Variants in ENPP1 observed in about 807,000 individuals in gnomAD.
ENPP1 encodes the protein ectonucleotide pyrophosphatase/phosphodiesterase family member 1.
A neutral mutation model predicts 122.8 loss-of-function variants in ENPP1; 73 were observed. The observed-to-expected ratio is 0.59, with a 90% CI of 0.49 to 0.72. The LOEUF is 0.72. Ranked by LOEUF, ENPP1 falls within the 30% of genes least tolerant of loss-of-function variation. The pLI is 0.00. For synonymous variants in ENPP1, 367 were observed against 391.6 expected (o/e 0.94, Z 0.74); for missense variants, 978 against 1,128.1 (o/e 0.87, Z 1.91).
At chr6:131,883,259 CAGAGAAGCCTTGTAT>C (rs1295629938) in intron 21 of ENPP1, among the ~76,000 whole-genome samples, 1 of 152,200 alleles carries the variant, frequency 6.6e-6, no homozygotes, top group Non-Finnish European at 1.5e-5. Flanking sequence ...CAAATTCATA[CAGAGAAGCCTTGTAT>C]GGTGTTTCGA....
In ENPP1 at chr6:131,861,721, T is replaced by C; in HGVS notation, c.1025+17T>C. 7.4e-7 allele frequency: 1 copy of C among 1,353,564 alleles called. No individual in the cohort carries two copies. Among genetic ancestry groups the C allele is most frequent in the Non-Finnish European group, 1.1e-6 (1 of 942,262 alleles). The allele number at this position is 1,353,564 out of a possible 1,614,324, so 83.8% of individuals were successfully genotyped here. On this transcript the variant is annotated intron_variant, in intron 9 of 24. Transcript: ENST00000647893. ...GTATAATGGGTATGTGAAATGAATT[T>C]TTTCTAGGATCTGTAATATAGAACA... is the stretch of plus-strand genomic sequence containing the variant.
intron 6 of ENPP1, among the ~76,000 whole-genome samples, chr6:131,856,215 T>C (rs942840911): frequency 6.6e-6 from 1 of 152,218 alleles, no homozygotes; most frequent in Non-Finnish European, 1.5e-5. Flanking sequence ...CCTTTGAAGT[T>C]TAAATACAGC....
chr6:131,868,247 G>C (rs1782114864), intron 12 of ENPP1, 121 bp downstream of exon 12: 1 of 722,198 alleles, frequency 1.4e-6, no homozygotes, highest in Non-Finnish European at 2.4e-6. Flanking sequence ...AGTTTCTTAT[G>C]GACAGTCTTT....
At position 131,877,006 on chromosome 6, in the gene ENPP1, A is replaced by T; in HGVS notation, c.1738A>T (p.Thr580Ser). The change falls in exon 18 of 25, where the codon ACA (threonine) becomes TCA (serine). Residue 580 changes from threonine to serine, a missense_variant. Around this residue, in one of 3 missense-constraint regions of ENPP1, gnomAD observed 644 missense variants for 781.5 expected, o/e 0.82. Transcript: ENST00000647893. ...YNLMCDLLNLTPAPNNGTHGS... is the reference protein window; with the variant it reads ...YNLMCDLLNLSPAPNNGTHGS... ...AAATTATGCAGATTTACTGAATTTG[A>T]CACCGGCTCCTAATAACGGAACTCA... 6 of 1,614,112 alleles carry T rather than the reference A, an allele frequency of 3.7e-6. No individual in the cohort carries two copies. The highest frequency in any genetic ancestry group is 5.1e-6 in the Non-Finnish European group (6 of 1,179,972).
chr6:131,890,843 T>C lies in ENPP1; in HGVS notation c.*332T>C, dbSNP rs1782460031. 11 of 327,496 alleles carry C rather than the reference T, an allele frequency of 3.4e-5. No homozygotes were observed. Among genetic ancestry groups the C allele is most frequent in the South Asian group, 3.3e-4 (10 of 30,276 alleles). 20.3% of individuals were successfully genotyped at this position (327,496 alleles called of 1,614,324 possible). A position where few individuals can be genotyped will look rare whatever the true frequency, so the allele number is the denominator to read the frequency against. The stretch of plus-strand genomic sequence containing the variant: ...TCTGGATACCAGATATTTGAATCTT[T>C]CTTACTATTGGTAATAAACCTTGAT... On this transcript the variant is annotated 3_prime_UTR_variant, in exon 25 of 25. Coordinates refer to ENST00000647893, the MANE Select transcript of ENPP1 (RefSeq NM_006208.3).
chr6:131,872,728 C>G (rs1782177500), intron 14 of ENPP1, among the ~76,000 whole-genome samples, 195 bp from the exon 15 acceptor site: 1 of 151,644 alleles, frequency 6.6e-6, no homozygotes, highest in Non-Finnish European at 1.5e-5. Flanking sequence ...TTTCATCTGA[C>G]TTATTGGGCC....
At chr6:131,866,017 G>GA (rs1782086148) in intron 11 of ENPP1, among the ~76,000 whole-genome samples, 1 of 147,464 alleles carries the variant, frequency 6.8e-6, no homozygotes, top group Admixed American at 6.7e-5. Flanking sequence ...AAGAGAAAAA[G>GA]AAAATGATTT....
chr6:131,867,942 T>C (rs1782111623), intron 11 of ENPP1, 76 bp from the exon 12 acceptor site: 1 of 930,278 alleles, frequency 1.1e-6, no homozygotes, highest in African/African-American at 1.7e-5. Context: ...TTTTTTTTTT[T>C]AACAGAGATA....
intron 5 of ENPP1, among the ~76,000 whole-genome samples, chr6:131,854,380 G>T (rs1207855515): frequency 6.6e-6 from 1 of 151,750 alleles, no homozygotes; most frequent in Non-Finnish European, 1.5e-5. Context: ...GCCACTGCAC[G>T]GCAGCCTGAG....
At position 131,808,218 on chromosome 6, in the gene ENPP1, G is replaced by C; in HGVS notation, c.183G>C (p.Glu61Asp). 6.6e-7 allele frequency: 1 copy of C among 1,514,612 alleles called. No individual in the cohort carries two copies. 93.8% of individuals were successfully genotyped at this position (1,514,612 alleles called of 1,614,324 possible). A position where few individuals can be genotyped will look rare whatever the true frequency, so the allele number is the denominator to read the frequency against. The change falls in exon 1 of 25, where the codon GAG (glutamate) becomes GAC (aspartate). Residue 61 changes from glutamate (E) to aspartate (D), a missense_variant. By Grantham distance (45) the Glu-to-Asp change is conservative. Around this residue, in one of 3 missense-constraint regions of ENPP1, gnomAD observed 330 missense variants for 328.5 expected, o/e 1.00. Coordinates refer to ENST00000647893, the MANE Select transcript of ENPP1 (RefSeq NM_006208.3). Reference sequence around the variant, plus strand: ...TGGACGTGGGGGAGGAGCCGCTGGAGAAGGCGGCGCGCGCCCGCACTGCCA... The same window carrying C: ...TGGACGTGGGGGAGGAGCCGCTGGACAAGGCGGCGCGCGCCCGCACTGCCA... ...APMDVGEEPL[E>D]KAARARTAKD...
At chr6:131,823,761 G>A (rs565909507) in intron 1 of ENPP1, among the ~76,000 whole-genome samples, 1 of 152,068 alleles carries the variant, frequency 6.6e-6, no homozygotes, top group South Asian at 2.1e-4. Flanking sequence ...AGTGAGTAAG[G>A]CCAGACCCTG....
intron 1 of ENPP1, chr6:131,826,077 G>A: frequency 1.3e-6 from 1 of 779,916 alleles, no homozygotes; most frequent in South Asian, 1.3e-5. Flanking sequence ...TCTGCTTTAG[G>A]GACTGATATC....
At chr6:131,855,173 A>C in intron 6 of ENPP1, 150 bp downstream of exon 6, 1 of 691,738 alleles carries the variant, frequency 1.4e-6, no homozygotes, top group African/African-American at 1.8e-5. Flanking sequence ...TAAGGCGCTT[A>C]TCTTTAATAG....
chr6:131,826,850 G>A (rs2114665949), intron 1 of ENPP1: 1 of 374,804 alleles, frequency 2.7e-6, no homozygotes, highest in Non-Finnish European at 5.0e-6. Context: ...CCTGTGTGGG[G>A]CAGAAAAGTT....
chr6:131,830,615 A>G (rs911331633), intron 1 of ENPP1, among the ~76,000 whole-genome samples: 1 of 152,218 alleles, frequency 6.6e-6, no homozygotes, highest in African/African-American at 2.4e-5. Context: ...AATTCTGTTT[A>G]TGATTTACAT....
chr6:131,877,985 A>G (rs1180815350), intron 18 of ENPP1: 2 of 153,658 alleles, frequency 1.3e-5, no homozygotes, highest in Admixed American at 1.2e-4. Context: ...GGGTATATAG[A>G]TGAGAATTAT....
At chr6:131,852,411 T>C (rs1197995547) in intron 5 of ENPP1, among the ~76,000 whole-genome samples, 176 bp downstream of exon 5, 1 of 152,174 alleles carries the variant, frequency 6.6e-6, no homozygotes, top group Non-Finnish European at 1.5e-5. Context: ...TTGGACTTTT[T>C]TGGATTTTGC....
intron 1 of ENPP1, among the ~76,000 whole-genome samples, chr6:131,819,633 T>C (rs1257544296): frequency 6.6e-6 from 1 of 152,242 alleles, no homozygotes; most frequent in Non-Finnish European, 1.5e-5. Context: ...GCCAGTTCCC[T>C]GCAGAGGGAA....
At chr6:131,877,866 A>AAAAAAAAAATATAT (rs1562183349) in intron 18 of ENPP1, 11 of 53,014 alleles carry the variant, frequency 2.1e-4, no homozygotes, top group Admixed American at 3.5e-4. Flanking sequence ...AAAAAAAAAA[A>AAAAAAAAAATATAT]ATATATATAT....
Sources: gnomAD v4.1 joint callset for allele counts (sites outside exome capture counted in the v4.1 genomes callset) on GRCh38, gnomAD v4.1.1 for gene constraint, gnomAD v4.1.1 regional missense constraint, MANE v1.5 for transcripts, NCBI Gene and HGNC (gene_info 2026-07-23, HGNC 2026-07-21) for gene names.